The following SPSB1 variants were observed in gnomAD, a reference collection of about 807,000 sequenced individuals.
The protein encoded by SPSB1 is SPRY domain-containing SOCS box protein 1.
In SPSB1, 8 loss-of-function variants were observed where a neutral mutation model predicts 21.2. The ratio of observed to expected loss-of-function variants is 0.38; its 90% confidence interval spans 0.22 to 0.68. The LOEUF (loss-of-function observed/expected upper bound fraction) is 0.68, where lower values mean the gene tolerates loss of function less well. SPSB1 is among the 30% of genes least tolerant of loss of function. SPSB1 has a pLI of 0.53. For synonymous variants in SPSB1, 169 were observed against 161.7 expected (o/e 1.05, Z -0.34); for missense variants, 242 against 377.8 (o/e 0.64, Z 2.98).
intron 2 of SPSB1, among the ~76,000 whole-genome samples, chr1:9,358,183 G>T (rs1312628292): frequency 6.6e-6 from 1 of 152,208 alleles, no homozygotes; most frequent in Non-Finnish European, 1.5e-5. Flanking sequence ...GGGGTGGTTA[G>T]GCATGCGCAA....
At chr1:9,320,777 G>A (rs915593670) in intron 1 of SPSB1, among the ~76,000 whole-genome samples, 12 of 152,204 alleles carry the variant, frequency 7.9e-5, no homozygotes, top group East Asian at 1.9e-4. Context: ...GGGTGACTCC[G>A]TGTTTCTTGT....
intron 1 of SPSB1, among the ~76,000 whole-genome samples, chr1:9,351,122 T>C (rs1034494611): frequency 3.3e-5 from 5 of 152,246 alleles, no homozygotes; most frequent in African/African-American, 1.2e-4. Flanking sequence ...TCTGGCCCAC[T>C]GTCTATTTTT....
intron 2 of SPSB1, among the ~76,000 whole-genome samples, chr1:9,361,164 T>TTTTTTTTTTTTTTC (rs1557467314): frequency 2.2e-5 from 3 of 137,130 alleles, no homozygotes; most frequent in South Asian, 2.4e-4. Context: ...TTCTTTTTTT[T>TTTTTTTTTTTTTTC]TTTTTTTTTT....
Position 9,295,219 on chromosome 1 carries a change from T to A in SPSB1, c.-150+2148T>A, listed in dbSNP as rs4080311. Among the ~76,000 whole-genome samples the A allele has an allele frequency of 6.5e-3, 151 of 23,096 alleles. 1 individual carries two copies. The highest frequency in any genetic ancestry group is 8.2e-3 in the Non-Finnish European group (100 of 12,206). The allele number at this position is 23,096 out of a possible 152,430, so 15.2% of individuals were successfully genotyped here. A position where few individuals can be genotyped will look rare whatever the true frequency, so the allele number is the denominator to read the frequency against. On this transcript the variant is annotated intron_variant, in intron 1 of 2. Coordinates refer to ENST00000328089, the MANE Select transcript of SPSB1 (RefSeq NM_025106.4). ...GTGTGTGTGTGTGTGAGAGTGTGAG[T>A]GTGTGTGTGTGTGTGTGTGTGTGCG...
At chr1:9,296,245 G>A (rs1639223171) in intron 1 of SPSB1, among the ~76,000 whole-genome samples, 1 of 152,198 alleles carries the variant, frequency 6.6e-6, no homozygotes, top group South Asian at 2.1e-4. Flanking sequence ...GCTTCCTGAG[G>A]ACCCTGAGAA....
rs890595052 is a variant in SPSB1 at position 9,293,718 on chromosome 1, G to A, written c.-150+647G>A. Among the ~76,000 whole-genome samples, 1 of 152,210 alleles carries A rather than the reference G, an allele frequency of 6.6e-6. No homozygotes were observed. The highest frequency in any genetic ancestry group is 1.5e-5 in the Non-Finnish European group (1 of 68,028). ...AGAAAAACAAGGGCGGCCTGGGCCCGCGGGAGGAACCGCGGATGGGTCACC... is the reference window on the plus strand; with the variant it reads ...AGAAAAACAAGGGCGGCCTGGGCCCACGGGAGGAACCGCGGATGGGTCACC... On this transcript the variant is annotated intron_variant, in intron 1 of 2. Transcript: ENST00000328089. This position sits in a 1 kb window ranked among gnomAD's most constrained non-coding sequence, Gnocchi z 5.1.
chr1:9,356,099 G>A lies in SPSB1; in HGVS notation c.208G>A (p.Asp70Asn), dbSNP rs1417567076. 2 of 1,607,614 alleles carry A rather than the reference G, an allele frequency of 1.2e-6. No individual in the cohort carries two copies. Among genetic ancestry groups the A allele is most frequent in the African/African-American group, 2.7e-5 (2 of 74,822 alleles). The change falls in exon 2 of 3, where the codon GAC becomes AAC. Residue 70 changes from aspartate (D) to asparagine (N), a missense_variant. Asp to Asn is a conservative substitution (Grantham distance 23, BLOSUM62 1). Transcript: ENST00000328089. This position sits in a 1 kb window ranked among gnomAD's most constrained non-coding sequence, Gnocchi z 7.4. ...ATCGCTCAATGTCTTTGTGAAGGAG[G>A]ACGACAAGCTCATCTTTCACCGGCA... ...DRSLNVFVKEDDKLIFHRHPV... is the reference protein window; with the variant it reads ...DRSLNVFVKENDKLIFHRHPV...
chr1:9,325,549 G>T (rs568808088), intron 1 of SPSB1, among the ~76,000 whole-genome samples: 121 of 151,824 alleles, frequency 8.0e-4, no homozygotes, highest in African/African-American at 2.8e-3. Context: ...GGTGTGAGCA[G>T]GTGGCACCGT....
chr1:9,338,056 C>G (rs1019143365), intron 1 of SPSB1, among the ~76,000 whole-genome samples: 1 of 152,160 alleles, frequency 6.6e-6, no homozygotes, highest in African/African-American at 2.4e-5. Context: ...GAAGAGGGAG[C>G]AGGTTTGAAT....
chr1:9,309,094 G>A (rs537170419), intron 1 of SPSB1, among the ~76,000 whole-genome samples: 12 of 152,054 alleles, frequency 7.9e-5, no homozygotes, highest in African/African-American at 2.4e-4. Context: ...GAGGAGGACC[G>A]GGAGAAGGCT....
At position 9,356,642 on chromosome 1, in the gene SPSB1, G is replaced by A; in HGVS notation, c.694+57G>A. 1 of 1,528,888 alleles carries A rather than the reference G, an allele frequency of 6.5e-7. No individual in the cohort carries two copies. Among genetic ancestry groups the A allele is most frequent in the Non-Finnish European group, 8.8e-7 (1 of 1,138,900 alleles). 94.7% of individuals were successfully genotyped at this position (1,528,888 alleles called of 1,614,324 possible). A position where few individuals can be genotyped will look rare whatever the true frequency, so the allele number is the denominator to read the frequency against. Reference sequence around the variant, plus strand: ...CCCTCCCTCAGTCCCCATGGTCCTGGCTGGGCTCAGGCCAAAAGTTGATTC... The same window carrying A: ...CCCTCCCTCAGTCCCCATGGTCCTGACTGGGCTCAGGCCAAAAGTTGATTC... On this transcript the variant is annotated intron_variant, in intron 2 of 2. Coordinates refer to ENST00000328089, the MANE Select transcript of SPSB1 (RefSeq NM_025106.4). This position sits in a 1 kb window ranked among gnomAD's most constrained non-coding sequence, Gnocchi z 7.4.
intron 1 of SPSB1, among the ~76,000 whole-genome samples, chr1:9,310,753 A>G (rs1005004260): frequency 1.3e-5 from 2 of 151,520 alleles, no homozygotes; most frequent in African/African-American, 2.4e-5. Context: ...TCCTCTGCAG[A>G]TGGGGGTTGG....
At chr1:9,350,043 CACAT>C (rs543264432) in intron 1 of SPSB1, among the ~76,000 whole-genome samples, 46 of 152,180 alleles carry the variant, frequency 3.0e-4, no homozygotes, top group Non-Finnish European at 4.9e-4. Context: ...ACACACCACA[CACAT>C]ATACACACAT....
At chr1:9,296,573 A>AGAAGATGT (rs1211186423) in intron 1 of SPSB1, among the ~76,000 whole-genome samples, 1 of 72,120 alleles carries the variant, frequency 1.4e-5, no homozygotes, top group African/African-American at 4.1e-5. Context: ...TTATGCTCAC[A>AGAAGATGT]GAAGATGTGC....
At chr1:9,336,437 G>T (rs529066189) in intron 1 of SPSB1, among the ~76,000 whole-genome samples, 3 of 152,066 alleles carry the variant, frequency 2.0e-5, no homozygotes, top group Non-Finnish European at 4.4e-5. Context: ...CGTTGGTCAG[G>T]CTGGTCTCAA....
rs1036359253 is a variant in SPSB1 at position 9,311,148 on chromosome 1, G to A, written c.-150+18077G>A. 2.8e-4 allele frequency among the ~76,000 whole-genome samples: 38 copies of A among 135,556 alleles called. 1 individual carries two copies. Among genetic ancestry groups the A allele is most frequent in the Admixed American group, 1.9e-3 (24 of 12,932 alleles). 88.9% of individuals were successfully genotyped at this position (135,556 alleles called of 152,430 possible). Reference sequence around the variant, plus strand: ...CCACTCTCAGGGGTGTCTAGACAGCGCAGGATAAAGGGTTTTTTTTTTTTT... The same window carrying A: ...CCACTCTCAGGGGTGTCTAGACAGCACAGGATAAAGGGTTTTTTTTTTTTT... On this transcript the variant is annotated intron_variant, in intron 1 of 2. Transcript: ENST00000328089.
intron 1 of SPSB1, among the ~76,000 whole-genome samples, chr1:9,294,344 CTGTG>C (rs1026293111): frequency 6.6e-6 from 1 of 151,802 alleles, no homozygotes; most frequent in Non-Finnish European, 1.5e-5. Context: ...AAGTGTGTGT[CTGTG>C]TGTCTTTGTG....
At chr1:9,327,276 T>A (rs1424667263) in intron 1 of SPSB1, among the ~76,000 whole-genome samples, 1 of 152,234 alleles carries the variant, frequency 6.6e-6, no homozygotes, top group African/African-American at 2.4e-5. Flanking sequence ...TTGGGATGTG[T>A]GTTTCATAAT....
intron 1 of SPSB1, among the ~76,000 whole-genome samples, chr1:9,299,979 A>G (rs1639301031): frequency 6.6e-6 from 1 of 151,736 alleles, no homozygotes; most frequent in African/African-American, 2.4e-5. Flanking sequence ...AAAAAAAAAA[A>G]AAAGGGTCTC....
Sources: allele counts gnomAD v4.1 joint callset (sites outside exome capture counted in the v4.1 genomes callset), GRCh38; gene constraint gnomAD v4.1.1; non-coding constraint Gnocchi (gnomAD v3.1); transcripts MANE v1.5; gene names NCBI Gene and HGNC (gene_info 2026-07-23, HGNC 2026-07-21).